The following AGAP1 variants were observed in gnomAD, a reference collection of about 807,000 sequenced individuals.
AGAP1 encodes ArfGAP with GTPase domain, ankyrin repeat and PH domain 1.
AGAP1 carries 29 observed loss-of-function variants against 105.3 expected under a neutral mutation model. The observed-to-expected ratio is 0.28, with a 90% CI of 0.21 to 0.38. The LOEUF (loss-of-function observed/expected upper bound fraction) is 0.38. Among genes scored for constraint, AGAP1 ranks in the 10% least tolerant of loss-of-function variants. The probability of loss-of-function intolerance (pLI) is 1.00; values close to 1 mark genes in which losing one functional copy is unlikely to be tolerated. For missense variants in AGAP1, 998 were observed against 1,165.1 expected (o/e 0.86, Z 2.09); for synonymous variants, 509 against 485.9 (o/e 1.05, Z -0.63).
intron 3 of AGAP1, among the ~76,000 whole-genome samples, chr2:235,738,431 G>C (rs1003940883): frequency 6.6e-6 from 1 of 152,122 alleles, no homozygotes; most frequent in Admixed American, 6.5e-5. Context: ...GGGAGGGCTC[G>C]GCAGGGATTT....
In AGAP1 at chr2:235,625,591, A is replaced by T. The variant is rs1260105576; in HGVS notation, c.164-83588A>T. 6.6e-6 allele frequency among the ~76,000 whole-genome samples: 1 copy of T among 152,242 alleles called. No individual in the cohort carries two copies. Among genetic ancestry groups the T allele is most frequent in the Non-Finnish European group, 1.5e-5 (1 of 68,042 alleles). On this transcript the variant is annotated intron_variant, in intron 1 of 17. Coordinates refer to ENST00000304032, the MANE Select transcript of AGAP1 (RefSeq NM_001037131.3). This position sits in a 1 kb window ranked among gnomAD's most constrained non-coding sequence, Gnocchi z 4.0. ...TTTAGTTGTTTATAAACTTCAGCTT[A>T]AAAGGTGGGGTTAATAGGGAACAAC...
At chr2:235,564,868 C>T (rs1944293597) in intron 1 of AGAP1, among the ~76,000 whole-genome samples, 2 of 150,110 alleles carry the variant, frequency 1.3e-5, no homozygotes, top group Non-Finnish European at 3.0e-5. Context: ...GGACCACCAC[C>T]CAGGGCCAGG....
At chr2:235,563,389 A>AC (rs1559250719) in intron 1 of AGAP1, among the ~76,000 whole-genome samples, 2 of 151,898 alleles carry the variant, frequency 1.3e-5, no homozygotes, top group African/African-American at 2.4e-5. Flanking sequence ...TGCCCAGGTG[A>AC]CCCCCTGAGA....
Position 235,970,665 on chromosome 2 carries a change from C to G in AGAP1, c.1645+2042C>G, listed in dbSNP as rs547867094. On this transcript the variant is annotated intron_variant, in intron 13 of 17. Coordinates refer to ENST00000304032, the MANE Select transcript of AGAP1 (RefSeq NM_001037131.3). This position sits in a 1 kb window ranked among gnomAD's most constrained non-coding sequence, Gnocchi z 5.4. ...GACCGTTGCCACTTAGATACACGTT[C>G]ATTATCCCACCCACGTGTTGACCGC... Among the ~76,000 whole-genome samples, 9 of 152,338 alleles carry G rather than the reference C, an allele frequency of 5.9e-5. No individual in the cohort carries two copies. In the East Asian group the frequency reaches 1.5e-3, roughly 26 times the overall value.
Position 235,799,631 on chromosome 2 carries a change from T to G in AGAP1, c.957+109T>G. On this transcript the variant is annotated intron_variant, in intron 8 of 17. Transcript: ENST00000304032. This position sits in a 1 kb window ranked among gnomAD's most constrained non-coding sequence, Gnocchi z 5.0. Reference sequence around the variant, plus strand: ...GGTATTTGTAGAATCTCAACTATATTAAAGTGAATAACATTGATTTCTGTG... The same window carrying G: ...GGTATTTGTAGAATCTCAACTATATGAAAGTGAATAACATTGATTTCTGTG... 1 of 1,215,566 alleles carries G rather than the reference T, an allele frequency of 8.2e-7. No individual in the cohort carries two copies. The highest frequency in any genetic ancestry group is 2.4e-5 in the East Asian group (1 of 41,210). The allele number at this position is 1,215,566 out of a possible 1,614,324, so 75.3% of individuals were successfully genotyped here. A position where few individuals can be genotyped will look rare whatever the true frequency, so the allele number is the denominator to read the frequency against.
At position 236,009,383 on chromosome 2, in the gene AGAP1, T is replaced by C. The variant is rs558497411; in HGVS notation, c.1646-27178T>C. Among the ~76,000 whole-genome samples, 1 of 151,820 alleles carries C rather than the reference T, an allele frequency of 6.6e-6. No individual in the cohort carries two copies. The highest frequency in any genetic ancestry group is 2.1e-4 in the South Asian group (1 of 4,816). ...CAGAATCCGCTCACACCTGCCGAGGTTCCTGGGGGATGATCTTTGTGTAAA... is the reference window on the plus strand; with the variant it reads ...CAGAATCCGCTCACACCTGCCGAGGCTCCTGGGGGATGATCTTTGTGTAAA... On this transcript the variant is annotated intron_variant, in intron 13 of 17. Transcript: ENST00000304032. This position sits in a 1 kb window ranked among gnomAD's most constrained non-coding sequence, Gnocchi z 4.2.
rs1345526084 is a variant in AGAP1 at position 235,700,899 on chromosome 2, T to G, written c.164-8280T>G. 6.8e-6 allele frequency among the ~76,000 whole-genome samples: 1 copy of G among 147,982 alleles called. No homozygotes were observed. Among genetic ancestry groups the G allele is most frequent in the East Asian group, 1.9e-4 (1 of 5,154 alleles). On this transcript the variant is annotated intron_variant, in intron 1 of 17. Coordinates refer to ENST00000304032, the MANE Select transcript of AGAP1 (RefSeq NM_001037131.3). This position sits in a 1 kb window ranked among gnomAD's most constrained non-coding sequence, Gnocchi z 6.1. ...ATATTTATAATATATGTATATAATG[T>G]ATAATATATGCATATATTATGTATT...
At chr2:236,049,422 A>T in intron 16 of AGAP1, 141 bp downstream of exon 16, 1 of 737,768 alleles carries the variant, frequency 1.4e-6, no homozygotes, top group South Asian at 1.9e-5. Flanking sequence ...CGGCATAGGA[A>T]TGTCTGTGTT....
At chr2:235,946,732 G>A (rs1023986802) in intron 12 of AGAP1, among the ~76,000 whole-genome samples, 16 of 152,122 alleles carry the variant, frequency 1.1e-4, no homozygotes, top group African/African-American at 3.9e-4. Context: ...TGGAAAGCTG[G>A]CCATTGAAAT....
intron 13 of AGAP1, among the ~76,000 whole-genome samples, chr2:236,021,277 C>T (rs942892383): frequency 6.6e-6 from 1 of 152,016 alleles, no homozygotes. Flanking sequence ...TTTTTCTAGC[C>T]CCCTCCTTTT....
In AGAP1 at chr2:236,079,351, T is replaced by C. The variant is rs542368097; in HGVS notation, c.2114+30070T>C. 4.5e-3 allele frequency among the ~76,000 whole-genome samples: 634 copies of C among 140,502 alleles called. 3 individuals carry two copies. The highest frequency in any genetic ancestry group is 0.017 in the African/African-American group (605 of 35,926). The allele number at this position is 140,502 out of a possible 152,430, so 92.2% of individuals were successfully genotyped here. Reference sequence around the variant, plus strand: ...CTAGGCAGCATAGTGAGACTCTGTCTCTACAAAAAAAGAAAATTTAAAAAA... The same window carrying C: ...CTAGGCAGCATAGTGAGACTCTGTCCCTACAAAAAAAGAAAATTTAAAAAA... On this transcript the variant is annotated intron_variant, in intron 16 of 17. Transcript: ENST00000304032.
rs1381214428 is a variant in AGAP1 at position 236,126,486 on chromosome 2, C to G, written c.*2364C>G. The G allele has an allele frequency of 6.6e-6, 1 of 152,178 alleles. No homozygotes were observed. The highest frequency in any genetic ancestry group is 1.5e-5 in the Non-Finnish European group (1 of 68,030). 9.4% of individuals were successfully genotyped at this position (152,178 alleles called of 1,614,324 possible). On this transcript the variant is annotated 3_prime_UTR_variant, in exon 18 of 18. Coordinates refer to ENST00000304032, the MANE Select transcript of AGAP1 (RefSeq NM_001037131.3). ...TGAGAAGAAACGGAACTCCTTGAGGCTTCTCTTTGGGATGTATATGAGCGT... is the reference window on the plus strand; with the variant it reads ...TGAGAAGAAACGGAACTCCTTGAGGGTTCTCTTTGGGATGTATATGAGCGT...
At chr2:236,034,601 C>A (rs1014911071) in intron 13 of AGAP1, among the ~76,000 whole-genome samples, 1 of 152,138 alleles carries the variant, frequency 6.6e-6, no homozygotes, top group African/African-American at 2.4e-5. Context: ...ACAAAGGACA[C>A]CCCCATACCG....
At chr2:235,916,625 C>T (rs2051898011) in intron 11 of AGAP1, among the ~76,000 whole-genome samples, 2 of 152,294 alleles carry the variant, frequency 1.3e-5, no homozygotes, top group Non-Finnish European at 2.9e-5. Flanking sequence ...ACCCCAGCTT[C>T]CTTGTTTTTA....
chr2:236,118,406 T>TC (rs2059822344), intron 16 of AGAP1, among the ~76,000 whole-genome samples: 3 of 148,862 alleles, frequency 2.0e-5, no homozygotes, highest in African/African-American at 5.0e-5. Context: ...TTTTTTTTTT[T>TC]CGAGATGGAG....
chr2:235,759,234 T>C (rs1471327859), intron 6 of AGAP1, among the ~76,000 whole-genome samples: 1 of 149,248 alleles, frequency 6.7e-6, no homozygotes, highest in Non-Finnish European at 1.5e-5. Context: ...AGTGGTGTGA[T>C]CTCAGCTCAC....
intron 1 of AGAP1, among the ~76,000 whole-genome samples, chr2:235,546,822 TTTC>T (rs1212042627): frequency 6.6e-6 from 1 of 152,208 alleles, no homozygotes; most frequent in Non-Finnish European, 1.5e-5. Flanking sequence ...TAGTCATTAG[TTTC>T]TTCTTTGACT....
rs931486648 is a variant in AGAP1, at chr2:235,633,239, C to T, written c.164-75940C>T. Among the ~76,000 whole-genome samples the T allele has an allele frequency of 3.3e-5, 5 of 152,042 alleles. No homozygotes were observed. The highest frequency in any genetic ancestry group is 9.7e-5 in the African/African-American group (4 of 41,384). ...GAAGACCCGAAGATTCAGGGGAGGTCGTCTGTGTGCCTTGGTTCCATGACT... is the reference window on the plus strand; with the variant it reads ...GAAGACCCGAAGATTCAGGGGAGGTTGTCTGTGTGCCTTGGTTCCATGACT... On this transcript the variant is annotated intron_variant, in intron 1 of 17. Transcript: ENST00000304032. The surrounding 1 kb of genome is among the most constrained non-coding windows in gnomAD (Gnocchi z 4.8).
chr2:235,742,476 G>C (rs1348723189), intron 4 of AGAP1, among the ~76,000 whole-genome samples: 1 of 152,204 alleles, frequency 6.6e-6, no homozygotes, highest in African/African-American at 2.4e-5. Context: ...TCATAACAAG[G>C]AAAGACCTTG....
Sources: gnomAD v4.1 joint callset for allele counts (sites outside exome capture counted in the v4.1 genomes callset) on GRCh38, gnomAD v4.1.1 for gene constraint, Gnocchi (gnomAD v3.1) non-coding constraint, MANE v1.5 for transcripts, NCBI Gene and HGNC (gene_info 2026-07-23, HGNC 2026-07-21) for gene names.